The following ANKAR variants were observed in gnomAD, a reference collection of about 807,000 sequenced individuals.
ANKAR encodes ankyrin and armadillo repeat-containing protein.
Under a neutral mutation model 146.2 loss-of-function variants are expected in ANKAR, and 136 were observed. That is an observed-to-expected ratio of 0.93 (90% CI 0.81 to 1.07). ANKAR has a LOEUF of 1.07. Among genes scored for constraint, ANKAR ranks in the 50% least tolerant of loss-of-function variants. The probability of loss-of-function intolerance (pLI) is 0.00; values close to 1 mark genes in which losing one functional copy is unlikely to be tolerated. For synonymous variants in ANKAR, 500 were observed against 575.8 expected (o/e 0.87, Z 1.88); for missense variants, 1,567 against 1,679.9 (o/e 0.93, Z 1.18).
chr2:189,731,859 C>T (rs942442822), intron 16 of ANKAR, among the ~76,000 whole-genome samples: 10 of 152,020 alleles, frequency 6.6e-5, no homozygotes, highest in Non-Finnish European at 1.3e-4. Flanking sequence ...CACCACCATG[C>T]CTGGCTAATT....
chr2:189,733,248 A>T lies in ANKAR; in HGVS notation c.3423+19A>T. ...AGAAAAGGTAATACCTTTACAAAAT[A>T]TTGAGGTTCATTTTGAAAAAAATGG... On this transcript the variant is annotated intron_variant, in intron 17 of 22. Coordinates refer to ENST00000684021, the MANE Select transcript of ANKAR (RefSeq NM_001378068.1). The T allele has an allele frequency of 3.2e-6, 5 of 1,559,240 alleles. No individual in the cohort carries two copies. Among genetic ancestry groups the T allele is most frequent in the Non-Finnish European group, 4.3e-6 (5 of 1,154,202 alleles).
intron 12 of ANKAR, among the ~76,000 whole-genome samples, chr2:189,724,868 A>G (rs2041686718): frequency 6.6e-6 from 1 of 152,234 alleles, no homozygotes; most frequent in South Asian, 2.1e-4. Context: ...AAAAAATTAA[A>G]TCTACAAGGC....
downstream of ANKAR, among the ~76,000 whole-genome samples, chr2:189,748,390 A>G (rs1400540517): frequency 6.6e-6 from 1 of 152,130 alleles, no homozygotes. Flanking sequence ...ACAGGCGTGT[A>G]GCCCTAGCTA....
chr2:189,701,420 A>C (rs2038038253), intron 7 of ANKAR, among the ~76,000 whole-genome samples: 1 of 151,842 alleles, frequency 6.6e-6, no homozygotes, highest in South Asian at 2.1e-4. Context: ...TTTTTTGTAG[A>C]GATGAGGTCT....
downstream of ANKAR, chr2:189,761,436 T>A (rs1459288694): frequency 2.5e-6 from 4 of 1,601,902 alleles, no homozygotes; most frequent in Admixed American, 7.1e-5. Flanking sequence ...TGAACTTCAG[T>A]TTGGGAATGT....
intron 2 of ANKAR, 105 bp from the exon 3 acceptor site, chr2:189,689,422 G>T: frequency 1.0e-6 from 1 of 961,442 alleles, no homozygotes; most frequent in Non-Finnish European, 1.5e-6. Context: ...TTACTGTCGT[G>T]ATAGTAGGAT....
chr2:189,762,747 C>A, downstream of ANKAR: 1 of 985,532 alleles, frequency 1.0e-6, no homozygotes, highest in Non-Finnish European at 1.2e-6. Flanking sequence ...TGTCGACTGC[C>A]CTTATCGCTG....
At chr2:189,706,281 A>G (rs2038934656) in intron 8 of ANKAR, among the ~76,000 whole-genome samples, 1 of 151,814 alleles carries the variant, frequency 6.6e-6, no homozygotes, top group Non-Finnish European at 1.5e-5. Context: ...TAGCTACTCA[A>G]GAGGCTGAGG....
At chr2:189,744,963 G>A (rs1036379841) in intron 22 of ANKAR, among the ~76,000 whole-genome samples, 175 bp downstream of exon 22, 1 of 126,656 alleles carries the variant, frequency 7.9e-6, no homozygotes, top group African/African-American at 3.5e-5. Context: ...TTCAACATCA[G>A]CCTAGCCAAT....
intron 7 of ANKAR, among the ~76,000 whole-genome samples, chr2:189,702,494 T>G (rs537198810): frequency 6.6e-6 from 1 of 152,312 alleles, no homozygotes; most frequent in South Asian, 2.1e-4. Context: ...TCTGCTCTAC[T>G]GAGTTATGAT....
chr2:189,727,718 T>C, intron 12 of ANKAR, 138 bp from the exon 13 acceptor site: 1 of 1,099,120 alleles, frequency 9.1e-7, no homozygotes, highest in Non-Finnish European at 1.3e-6. Flanking sequence ...GCCAGTTTTG[T>C]TTATTTCTAT....
chr2:189,761,277 G>T, downstream of ANKAR: 1 of 783,384 alleles, frequency 1.3e-6, no homozygotes, highest in Non-Finnish European at 1.9e-6. Flanking sequence ...TGAAGTGTTT[G>T]AGGTTTTCTA....
chr2:189,690,134 A>G (rs995049815), intron 3 of ANKAR, among the ~76,000 whole-genome samples, 170 bp downstream of exon 3: 3 of 152,200 alleles, frequency 2.0e-5, no homozygotes, highest in African/African-American at 4.8e-5. Flanking sequence ...CAGTGTATGT[A>G]TATAGTACTT....
intron 5 of ANKAR, among the ~76,000 whole-genome samples, chr2:189,694,633 A>G (rs1219288137): frequency 1.3e-5 from 2 of 152,206 alleles, no homozygotes; most frequent in African/African-American, 4.8e-5. Flanking sequence ...TCGAGGAGCC[A>G]GATATAGACA....
chr2:189,754,074 T>C, intron 18 of ANKAR: 1 of 1,612,272 alleles, frequency 6.2e-7, no homozygotes, highest in Non-Finnish European at 8.5e-7. Flanking sequence ...CCTGCAGAAA[T>C]GAGCAGCTAT....
chr2:189,745,289 T>C (rs529035237), intron 22 of ANKAR, among the ~76,000 whole-genome samples: 2 of 152,252 alleles, frequency 1.3e-5, no homozygotes, highest in African/African-American at 4.8e-5. Flanking sequence ...TACAAGCCCA[T>C]ATTGATCATT....
rs562024450 is a variant in ANKAR, at chr2:189,705,497, A to T, written c.1910+273A>T. On this transcript the variant is annotated intron_variant, in intron 8 of 22. Transcript: ENST00000684021. ...CCTATGCATGTTTTCTGGAAGAATA[A>T]GGACTAATCCCCAGGGAGTTTTTCC... 5.3e-5 allele frequency among the ~76,000 whole-genome samples: 8 copies of T among 152,304 alleles called. 1 individual carries two copies. In the East Asian group the frequency reaches 1.5e-3, roughly 29 times the overall value.
At chr2:189,717,446 G>T (rs1006739945) in intron 10 of ANKAR, among the ~76,000 whole-genome samples, 2 of 152,188 alleles carry the variant, frequency 1.3e-5, no homozygotes, top group Non-Finnish European at 2.9e-5. Flanking sequence ...AACAGATGCT[G>T]GAGAGGATGT....
intron 18 of ANKAR, chr2:189,753,867 T>A: frequency 6.3e-7 from 1 of 1,590,468 alleles, no homozygotes; most frequent in Non-Finnish European, 8.6e-7. Flanking sequence ...GGGAAAAAAG[T>A]AACATATTGC....
Sources: gnomAD v4.1 joint callset for allele counts (sites outside exome capture counted in the v4.1 genomes callset) on GRCh38, gnomAD v4.1.1 for gene constraint, MANE v1.5 for transcripts, NCBI Gene and HGNC (gene_info 2026-07-23, HGNC 2026-07-21) for gene names.